The following GABRR3 variants were observed in gnomAD, a reference collection of about 807,000 sequenced individuals.
The protein encoded by GABRR3 is gamma-aminobutyric acid receptor subunit rho-3.
GABRR3 carries 29 observed loss-of-function variants against 43.2 expected under a neutral mutation model. That is an observed-to-expected ratio of 0.67 (90% CI 0.50 to 0.92). GABRR3 has a LOEUF of 0.92. GABRR3 is among the 40% of genes least tolerant of loss of function. The pLI, the probability that GABRR3 is intolerant of heterozygous loss-of-function variation, is 0.00. For missense variants in GABRR3, 576 were observed against 572.3 expected (o/e 1.01, Z -0.07); for synonymous variants, 206 against 195.9 (o/e 1.05, Z -0.43).
chr3:97,986,670 T>C (rs549390194), downstream of GABRR3: 20 of 1,469,006 alleles, frequency 1.4e-5, no homozygotes, highest in African/African-American at 1.3e-4. Context: ...TTGTATACAT[T>C]TGAAATTCCC....
chr3:97,993,222 C>T (rs772031660), intron 8 of GABRR3, among the ~76,000 whole-genome samples, 174 bp from the exon 9 acceptor site: 4 of 152,176 alleles, frequency 2.6e-5, no homozygotes, highest in Admixed American at 1.3e-4. Context: ...CAAACACTCT[C>T]ACTGGATTTT....
At chr3:98,007,344 C>A (rs962265776) in intron 7 of GABRR3, among the ~76,000 whole-genome samples, 5 of 152,022 alleles carry the variant, frequency 3.3e-5, no homozygotes, top group Non-Finnish European at 5.9e-5. Context: ...CAAGCAAAAA[C>A]GCCAGTGTCG....
intron 8 of GABRR3, 23 bp downstream of exon 8, chr3:98,001,592 T>C: frequency 6.2e-7 from 1 of 1,611,776 alleles, no homozygotes; most frequent in African/African-American, 1.3e-5. Flanking sequence ...GTTAACATTT[T>C]ATAAAGATGG....
At chr3:98,003,784 C>A (rs532018541) in intron 7 of GABRR3, among the ~76,000 whole-genome samples, 2 of 152,218 alleles carry the variant, frequency 1.3e-5, no homozygotes, top group South Asian at 2.1e-4. Flanking sequence ...AGCTGCACCC[C>A]CTAGCTACCA....
At chr3:98,015,078 T>C (rs1252262013) in intron 4 of GABRR3, among the ~76,000 whole-genome samples, 1 of 152,226 alleles carries the variant, frequency 6.6e-6, no homozygotes, top group Non-Finnish European at 1.5e-5. Context: ...CAAGGATTCA[T>C]GTACGTAAAA....
At chr3:98,025,090 AGG>A (rs1706994271) in intron 3 of GABRR3, among the ~76,000 whole-genome samples, 1 of 152,210 alleles carries the variant, frequency 6.6e-6, no homozygotes, top group South Asian at 2.1e-4. Flanking sequence ...TAGTACATTA[AGG>A]GGTATTCTAA....
chr3:98,007,884 G>C (rs758821964), exon 7 of GABRR3: 4 of 1,586,856 alleles, frequency 2.5e-6, no homozygotes, highest in Middle Eastern at 1.7e-4. Flanking sequence ...TATAGCATTA[G>C]GTCATCCTCA....
intron 2 of GABRR3, among the ~76,000 whole-genome samples, chr3:98,032,174 C>T (rs886758526): frequency 7.2e-5 from 11 of 151,950 alleles, no homozygotes; most frequent in African/African-American, 2.7e-4. Context: ...ACCTAAATAA[C>T]CTCAAGAGCA....
intron 3 of GABRR3, among the ~76,000 whole-genome samples, chr3:98,019,109 C>CA (rs55912572): frequency 9.2e-4 from 129 of 140,374 alleles, no homozygotes; most frequent in South Asian, 1.8e-3. Flanking sequence ...GACTCTCTCT[C>CA]AAAAAAAAAA....
At chr3:98,020,870 CT>C (rs59070712) in intron 3 of GABRR3, among the ~76,000 whole-genome samples, 26,678 of 117,004 alleles carry the variant, frequency 0.23, 2,303 homozygotes, top group African/African-American at 0.36. Context: ...TTTTCTTTTT[CT>C]TTTTTTTTTT....
At chr3:98,023,723 G>T (rs1347348603) in intron 3 of GABRR3, among the ~76,000 whole-genome samples, 1 of 152,138 alleles carries the variant, frequency 6.6e-6, no homozygotes, top group African/African-American at 2.4e-5. Flanking sequence ...TCATCTCAAG[G>T]CTTCTGAAAT....
At chr3:97,992,969 A>T (rs758691826) in exon 9 of GABRR3, 1 of 1,613,696 alleles carries the variant, frequency 6.2e-7, no homozygotes, top group South Asian at 1.1e-5. Context: ...ACACATCCAC[A>T]GCCTTGAGGT....
chr3:98,012,604 G>A (rs763265704), intron 4 of GABRR3, 37 bp from the exon 5 acceptor site: 1 of 1,466,250 alleles, frequency 6.8e-7, no homozygotes, highest in East Asian at 2.3e-5. Context: ...AAAACCAGTA[G>A]GAATATGGTT....
At position 98,016,344 on chromosome 3, in the gene GABRR3, G is replaced by A. The variant is rs564859643; in HGVS notation, c.306+1311C>T. On this transcript the variant is annotated intron_variant, in intron 4 of 9. Transcript: ENST00000621172. ...TTCTTCACCCCTGCCACCTGGAGCT[G>A]GTTGTTGAAAGAACCTAGTACCTCC... Among the ~76,000 whole-genome samples the A allele has an allele frequency of 1.1e-4, 16 of 152,196 alleles. No individual in the cohort carries two copies. In the South Asian group the frequency reaches 1.5e-3, roughly 14 times the overall value.
chr3:97,986,273 T>A (rs1433969076), downstream of GABRR3, among the ~76,000 whole-genome samples: 2 of 152,238 alleles, frequency 1.3e-5, no homozygotes, highest in Non-Finnish European at 2.9e-5. Flanking sequence ...TCTATGTGGA[T>A]GTTCTTGCCT....
At chr3:98,010,743 G>A (rs1386994802) in intron 5 of GABRR3, among the ~76,000 whole-genome samples, 1 of 152,130 alleles carries the variant, frequency 6.6e-6, no homozygotes, top group African/African-American at 2.4e-5. Context: ...GTGTCGTTCT[G>A]CTCCTGATTC....
chr3:98,013,536 TC>T (rs1184942961), intron 4 of GABRR3, among the ~76,000 whole-genome samples: 1 of 152,210 alleles, frequency 6.6e-6, no homozygotes, highest in Non-Finnish European at 1.5e-5. Context: ...TATCTTTTTT[TC>T]CAACACTAAT....
exon 10 of GABRR3, chr3:97,986,737 T>C (rs528435479): frequency 6.3e-7 from 1 of 1,587,944 alleles, no homozygotes; most frequent in South Asian, 1.1e-5. Flanking sequence ...CAATGGGGAA[T>C]AAAATCCTAG....
chr3:98,016,166 CA>C (rs1706871186), intron 4 of GABRR3, among the ~76,000 whole-genome samples: 1 of 152,244 alleles, frequency 6.6e-6, no homozygotes, highest in South Asian at 2.1e-4. Context: ...GTCCCTCCCT[CA>C]ACATGTCAAG....
Sources: gnomAD v4.1 joint callset for allele counts (sites outside exome capture counted in the v4.1 genomes callset) on GRCh38, gnomAD v4.1.1 for gene constraint, MANE v1.5 for transcripts, NCBI Gene and HGNC (gene_info 2026-07-23, HGNC 2026-07-21) for gene names.